The following TCF4 variants were observed in gnomAD, a reference collection of about 807,000 sequenced individuals.
The protein encoded by TCF4 is transcription factor 4, also known as SL3-3 enhancer factor 2.
Under a neutral mutation model 82.1 loss-of-function variants are expected in TCF4, and 3 were observed. The ratio of observed to expected loss-of-function variants is 0.04; its 90% CI spans 0.02 to 0.09. TCF4 has a LOEUF of 0.09. Ranked by LOEUF, TCF4 falls within the 10% of genes least tolerant of loss-of-function variation. The pLI, the probability that TCF4 is intolerant of heterozygous loss-of-function variation, is 1.00. For missense variants in TCF4, 518 were observed against 852.7 expected, an observed-to-expected ratio of 0.61 and a Z score of 4.89; for synonymous variants, 276 against 309.6, an observed-to-expected ratio of 0.89 and a Z score of 1.14.
At chr18:55,405,082 A>G (rs554699650) in intron 5 of TCF4, among the ~76,000 whole-genome samples, 1 of 152,386 alleles carries the variant, frequency 6.6e-6, no homozygotes, top group Non-Finnish European at 1.5e-5. Flanking sequence ...CACTGAAGAA[A>G]AGATAAATTT....
rs950843395 is a variant in TCF4, at chr18:55,225,920, G to A, written c.*2115C>T. On this transcript the variant is annotated 3_prime_UTR_variant, in exon 20 of 20. Coordinates refer to ENST00000354452, the MANE Select transcript of TCF4 (RefSeq NM_001083962.2). ...TTATGGGTTTGTAAAAGATGACCACGTGGTAACTATCTTATTTGTTCTTAC... is the reference window on the plus strand; with the variant it reads ...TTATGGGTTTGTAAAAGATGACCACATGGTAACTATCTTATTTGTTCTTAC... The A allele has an allele frequency of 6.6e-6, 1 of 152,368 alleles. No individual in the cohort carries two copies. Among genetic ancestry groups the A allele is most frequent in the Non-Finnish European group, 1.5e-5 (1 of 67,974 alleles). The allele number at this position is 152,368 out of a possible 1,614,324, so 9.4% of individuals were successfully genotyped here.
At chr18:55,368,223 TAAAAATAC>T (rs937719289) in intron 6 of TCF4, among the ~76,000 whole-genome samples, 6 of 152,058 alleles carry the variant, frequency 3.9e-5, no homozygotes, top group African/African-American at 1.4e-4. Context: ...CCGACTCTAC[TAAAAATAC>T]AAAAATTAGC....
chr18:55,539,313 C>T (rs1412248852), intron 3 of TCF4, among the ~76,000 whole-genome samples: 1 of 152,176 alleles, frequency 6.6e-6, no homozygotes, highest in Non-Finnish European at 1.5e-5. Flanking sequence ...GGCCAGAAAA[C>T]ATGTCTGGCA....
At chr18:55,533,129 C>G (rs572565528) in intron 3 of TCF4, among the ~76,000 whole-genome samples, 83 of 152,210 alleles carry the variant, frequency 5.5e-4, no homozygotes, top group African/African-American at 1.9e-3. Flanking sequence ...TTTAACTATC[C>G]TTAATATACT....
intron 8 of TCF4, chr18:55,321,725 T>C: frequency 3.3e-6 from 5 of 1,536,148 alleles, no homozygotes; most frequent in Non-Finnish European, 4.4e-6. Flanking sequence ...CGGGATTGTG[T>C]ATGCGCAGTA....
chr18:55,446,072 TCC>T (rs1006367410), intron 5 of TCF4, among the ~76,000 whole-genome samples: 7 of 152,076 alleles, frequency 4.6e-5, no homozygotes, highest in African/African-American at 1.7e-4. Flanking sequence ...GTAATGTTTT[TCC>T]CCCTTCCTGG....
At chr18:55,307,775 T>C (rs147366942) in intron 8 of TCF4, among the ~76,000 whole-genome samples, 161 of 152,308 alleles carry the variant, frequency 1.1e-3, no homozygotes, top group Middle Eastern at 3.4e-3. Context: ...GGCTTACATA[T>C]ACACCATTAG....
intron 14 of TCF4, among the ~76,000 whole-genome samples, chr18:55,257,045 GA>G (rs2057003420): frequency 6.6e-6 from 1 of 152,186 alleles, no homozygotes; most frequent in South Asian, 2.1e-4. Context: ...ATCTTTCCTA[GA>G]GATGGGGAGA....
intron 6 of TCF4, among the ~76,000 whole-genome samples, chr18:55,383,707 T>A (rs951599243): frequency 5.3e-5 from 8 of 152,208 alleles, no homozygotes; most frequent in Non-Finnish European, 8.8e-5. Context: ...ATACATTCCA[T>A]GCTACTGCAT....
intron 16 of TCF4, among the ~76,000 whole-genome samples, chr18:55,233,995 T>A (rs947448578): frequency 1.3e-5 from 2 of 151,948 alleles, no homozygotes; most frequent in African/African-American, 2.4e-5. Context: ...ACTGAGAAGA[T>A]GTTATCTAAG....
intron 3 of TCF4, among the ~76,000 whole-genome samples, chr18:55,477,122 T>A (rs2096307326): frequency 1.3e-5 from 2 of 152,242 alleles, no homozygotes; most frequent in Non-Finnish European, 2.9e-5. Context: ...GGTCTCACGA[T>A]AATGTAACCA....
At chr18:55,228,219 G>A (rs544432100), downstream of TCF4, 7 of 1,614,086 alleles carry the variant, frequency 4.3e-6, no homozygotes, top group African/African-American at 8.0e-5. Context: ...AAACAAACTT[G>A]CCCTTTTACA....
chr18:55,342,658 T>C (rs2080252120), intron 8 of TCF4, among the ~76,000 whole-genome samples: 1 of 152,174 alleles, frequency 6.6e-6, no homozygotes, highest in Non-Finnish European at 1.5e-5. Context: ...TTTTTTCTTA[T>C]CCTTTAACGT....
At chr18:55,467,424 C>T (rs1227557731) in intron 3 of TCF4, among the ~76,000 whole-genome samples, 1 of 152,106 alleles carries the variant, frequency 6.6e-6, no homozygotes, top group East Asian at 1.9e-4. Context: ...CGTCTCATAT[C>T]TACTCAGTCT....
chr18:55,556,008 G>A (rs1320453757), intron 3 of TCF4, among the ~76,000 whole-genome samples: 2 of 152,128 alleles, frequency 1.3e-5, no homozygotes, highest in East Asian at 3.8e-4. Context: ...ATTAATAAAG[G>A]AGAAGCCAAT....
At chr18:55,569,604 A>G (rs964696170) in intron 3 of TCF4, among the ~76,000 whole-genome samples, 3 of 151,992 alleles carry the variant, frequency 2.0e-5, no homozygotes, top group Admixed American at 6.6e-5. Context: ...GTAACAAATA[A>G]TTTGAATAAT....
chr18:55,609,370 C>T (rs1254369973), intron 2 of TCF4, among the ~76,000 whole-genome samples: 1 of 152,098 alleles, frequency 6.6e-6, no homozygotes, highest in Non-Finnish European at 1.5e-5. Context: ...CTAGGAGTGT[C>T]CTTCACCACA....
chr18:55,420,120 C>A (rs925329095), intron 5 of TCF4, among the ~76,000 whole-genome samples: 1 of 152,024 alleles, frequency 6.6e-6, no homozygotes, highest in Non-Finnish European at 1.5e-5. Context: ...TTAACACGTG[C>A]AAAACAGGAA....
At chr18:55,601,323 C>G (rs1321111192) in intron 2 of TCF4, among the ~76,000 whole-genome samples, 3 of 152,124 alleles carry the variant, frequency 2.0e-5, no homozygotes, top group Admixed American at 1.3e-4. Context: ...AACCCCTGCA[C>G]CATCTGCCCA....
Sources: gnomAD v4.1 joint callset for allele counts (sites outside exome capture counted in the v4.1 genomes callset) on GRCh38, gnomAD v4.1.1 for gene constraint, MANE v1.5 for transcripts, NCBI Gene and HGNC (gene_info 2026-07-23, HGNC 2026-07-21) for gene names.